Variants in DNAH17 observed in about 807,000 individuals in gnomAD.
DNAH17 encodes axonemal beta dynein heavy chain 17.
A neutral mutation model predicts 485.6 loss-of-function variants in DNAH17; 376 were observed. That is an observed-to-expected ratio of 0.77 (90% CI 0.71 to 0.84). DNAH17 has a LOEUF of 0.84. Ranked by LOEUF, DNAH17 falls within the 40% of genes least tolerant of loss-of-function variation. The pLI, the probability that DNAH17 is intolerant of heterozygous loss-of-function variation, is 0.00. For missense variants in DNAH17, 6,370 were observed against 5,839.3 expected (o/e 1.09, Z -2.96); for synonymous variants, 3,031 against 2,405.9 (o/e 1.26, Z -7.60).
intron 62 of DNAH17, among the ~76,000 whole-genome samples, chr17:78,456,230 C>T (rs375299800): frequency 2.6e-5 from 4 of 152,230 alleles, no homozygotes; most frequent in African/African-American, 9.6e-5. Context: ...ACCCGGGAGG[C>T]GGAGGTTGCA....
chr17:78,478,011 TCATCACCATCACCAC>T (rs2089135053), intron 51 of DNAH17, among the ~76,000 whole-genome samples: 1 of 84,102 alleles, frequency 1.2e-5, no homozygotes, highest in African/African-American at 6.3e-5. Context: ...ATCATCACCA[TCATCACCATCACCAC>T]CACCATCACA....
rs760488893 is a variant in DNAH17, at chr17:78,543,993, C to A, written c.2396G>T (p.Trp799Leu). The A allele has an allele frequency of 6.2e-7, 1 of 1,614,014 alleles. No homozygotes were observed. The highest frequency in any genetic ancestry group is 1.1e-5 in the South Asian group (1 of 91,080). ...TCTTTCAAACAGCGGGTTGGCCGAC[C>A]AGTCCTGGAAGGAAAGCACAGGAGT... ...IEGISQAMKD[W>L]SANPLFERKD... is the part of the protein sequence containing the mutation. The change falls in exon 17 of 81, where the codon TGG (tryptophan) becomes TTG (leucine). Residue 799 changes from tryptophan to leucine, a missense_variant. Transcript: ENST00000389840.
At chr17:78,474,001 C>A (rs2088895092) in intron 54 of DNAH17, among the ~76,000 whole-genome samples, 1 of 152,188 alleles carries the variant, frequency 6.6e-6, no homozygotes, top group Admixed American at 6.5e-5. Context: ...AGCAGGCCGG[C>A]CCCTTTATAC....
At chr17:78,520,505 A>G (rs1042412805) in intron 25 of DNAH17, among the ~76,000 whole-genome samples, 1 of 152,250 alleles carries the variant, frequency 6.6e-6, no homozygotes, top group Non-Finnish European at 1.5e-5. Flanking sequence ...TAGAACTAGT[A>G]AGTGAGTTTA....
chr17:78,574,578 C>T, intron 2 of DNAH17, 135 bp downstream of exon 2: 1 of 747,558 alleles, frequency 1.3e-6, no homozygotes. Context: ...GGCCCGAGCG[C>T]CTGCATTTCC....
chr17:78,444,571 G>T (rs755054064), intron 71 of DNAH17, 33 bp downstream of exon 71: 2 of 1,524,814 alleles, frequency 1.3e-6, no homozygotes, highest in Non-Finnish European at 8.8e-7. Flanking sequence ...CTGGGCCTCG[G>T]GGGCGGGGCC....
chr17:78,548,785 G>A (rs2091835298), intron 16 of DNAH17, among the ~76,000 whole-genome samples: 1 of 152,208 alleles, frequency 6.6e-6, no homozygotes, highest in Admixed American at 6.5e-5. Flanking sequence ...CACTAAGCTG[G>A]GGAGCTAGAT....
intron 2 of DNAH17, among the ~76,000 whole-genome samples, chr17:78,573,642 G>T (rs1027469928): frequency 1.3e-4 from 19 of 151,548 alleles, no homozygotes; most frequent in Admixed American, 1.2e-3. Flanking sequence ...AGATTACTAG[G>T]GTGGGCCCTA....
intron 30 of DNAH17, 132 bp from the exon 31 acceptor site, chr17:78,505,577 C>CT: frequency 8.7e-7 from 1 of 1,154,028 alleles, no homozygotes; most frequent in Non-Finnish European, 1.2e-6. Flanking sequence ...TCAACGTTGA[C>CT]TAAACATGAC....
intron 62 of DNAH17, 47 bp from the exon 63 acceptor site, chr17:78,455,883 G>T: frequency 1.4e-6 from 2 of 1,462,230 alleles, no homozygotes; most frequent in South Asian, 1.4e-5. Flanking sequence ...CAAGTGAGGG[G>T]ACTGGACCAG....
chr17:78,490,916 G>C, intron 43 of DNAH17, 69 bp from the exon 44 acceptor site: 1 of 1,475,922 alleles, frequency 6.8e-7, no homozygotes, highest in Non-Finnish European at 9.0e-7. Context: ...TTCTGGGGTG[G>C]GGGTTACTCG....
At chr17:78,462,562 T>C (rs1328865131) in intron 57 of DNAH17, among the ~76,000 whole-genome samples, 2 of 152,234 alleles carry the variant, frequency 1.3e-5, no homozygotes, top group Non-Finnish European at 2.9e-5. Context: ...TTGGGCATGA[T>C]GATCAAATCT....
In DNAH17 at chr17:78,425,619, G is replaced by A. The variant is rs749489093; in HGVS notation, c.12916-48C>T. 10 of 1,506,864 alleles carry A rather than the reference G, an allele frequency of 6.6e-6. No individual in the cohort carries two copies. In the South Asian group the frequency reaches 7.6e-5, roughly 12 times the overall value. The allele number at this position is 1,506,864 out of a possible 1,614,324, so 93.3% of individuals were successfully genotyped here. A position where few individuals can be genotyped will look rare whatever the true frequency, so the allele number is the denominator to read the frequency against. ...AGGAGGAGAGGACATAGAATGACAT[G>A]GGAACGACCGGGCCTTGGCCGTTCT... On this transcript the variant is annotated intron_variant, in intron 79 of 80. Transcript: ENST00000389840.
chr17:78,485,710 C>T lies in DNAH17; in HGVS notation c.7323G>A (p.Met2441Ile). Residue 2441 changes from methionine to isoleucine, a missense_variant, in exon 47 of 81, where the codon ATG (methionine) becomes ATA (isoleucine). Met to Ile is a conservative substitution (Grantham distance 10). Coordinates refer to ENST00000389840, the MANE Select transcript of DNAH17 (RefSeq NM_173628.4). Reference sequence around the variant, plus strand: ...GCCAGGACTTCTCCATGAGCAGGTCCATGAAGTAGCGGATGCGGATGGTTT... The same window carrying T: ...GCCAGGACTTCTCCATGAGCAGGTCTATGAAGTAGCGGATGCGGATGGTTT... ...TTETIRIRYF[M>I]DLLMEKSWPV... 4 of 1,613,942 alleles carry T rather than the reference C, an allele frequency of 2.5e-6. No homozygotes were observed. In the African/African-American group the frequency reaches 4.0e-5, roughly 16 times the overall value.
At position 78,495,943 on chromosome 17, in the gene DNAH17, G is replaced by A. The variant is rs1184980268; in HGVS notation, c.5835C>T (p.Ile1945=). 6.8e-6 allele frequency: 11 copies of A among 1,614,002 alleles called. No homozygotes were observed. Among genetic ancestry groups the A allele is most frequent in the South Asian group, 1.1e-5 (1 of 91,080 alleles). The change falls in exon 38 of 81, where the codon ATC becomes ATT. Residue 1945 remains isoleucine, a synonymous_variant. Transcript: ENST00000389840. ...CGTACCCAGGGTTCATGGTGATGAA[G>A]ATACCGACGGTGGGAATGAGGCCTA... is the stretch of plus-strand genomic sequence containing the variant. The part of the protein sequence containing the change: ...EIIGLIPTVG[I]FITMNPGYAG...
chr17:78,460,933 T>C (rs1379931274), intron 58 of DNAH17, among the ~76,000 whole-genome samples: 1 of 152,112 alleles, frequency 6.6e-6, no homozygotes. Flanking sequence ...TCTTCAATAA[T>C]TACACAGATG....
intron 46 of DNAH17, 94 bp from the exon 47 acceptor site, chr17:78,485,851 A>C: frequency 6.4e-7 from 1 of 1,570,790 alleles, no homozygotes; most frequent in African/African-American, 1.3e-5. Context: ...ACAGGTCCTA[A>C]TGTTGAAAAT....
intron 14 of DNAH17, among the ~76,000 whole-genome samples, chr17:78,553,292 T>TTTTG (rs2143579060): frequency 2.5e-5 from 1 of 39,946 alleles, no homozygotes; most frequent in African/African-American, 8.9e-5. Context: ...TGTTTTTTTT[T>TTTTG]TTTTTTTTTT....
chr17:78,535,108 G>A (rs1177868018), intron 19 of DNAH17, among the ~76,000 whole-genome samples: 2 of 152,202 alleles, frequency 1.3e-5, no homozygotes, highest in Non-Finnish European at 2.9e-5. Context: ...GTCCCAGGGT[G>A]TCTGCAAGGC....
Sources: allele counts gnomAD v4.1 joint callset (sites outside exome capture counted in the v4.1 genomes callset), GRCh38; gene constraint gnomAD v4.1.1; transcripts MANE v1.5; gene names NCBI Gene and HGNC (gene_info 2026-07-23, HGNC 2026-07-21).